The following SHISA9 variants were observed in gnomAD, a reference collection of about 807,000 sequenced individuals.
The protein encoded by SHISA9 is protein shisa-9.
Under a neutral mutation model 38.0 loss-of-function variants are expected in SHISA9, and 13 were observed. That is an observed-to-expected ratio of 0.34 (90% CI 0.22 to 0.54). The LOEUF (loss-of-function observed/expected upper bound fraction) is 0.54, where lower values mean the gene tolerates loss of function less well. Ranked by LOEUF, SHISA9 falls within the 20% of genes least tolerant of loss-of-function variation. The pLI is 0.91. For synonymous variants in SHISA9, 275 were observed against 242.0 expected, an observed-to-expected ratio of 1.14 and a Z score of -1.27; for missense variants, 538 against 575.8, an observed-to-expected ratio of 0.93 and a Z score of 0.67.
chr16:13,076,286 C>T (rs1393327069), intron 2 of SHISA9, among the ~76,000 whole-genome samples: 1 of 152,166 alleles, frequency 6.6e-6, no homozygotes, highest in African/African-American at 2.4e-5. Flanking sequence ...CCAACTCAGC[C>T]TCCCAAAATG....
At chr16:13,527,285 T>C in the SHISA9 span, among the ~76,000 whole-genome samples, 1 of 152,186 alleles carries the variant, frequency 6.6e-6, no homozygotes, top group Non-Finnish European at 1.5e-5. Flanking sequence ...CCTCAGCGTT[T>C]TTGGAGAACG....
chr16:12,935,178 C>T (rs1354099028), intron 2 of SHISA9, among the ~76,000 whole-genome samples: 1 of 152,106 alleles, frequency 6.6e-6, no homozygotes, highest in East Asian at 1.9e-4. Context: ...AAGTCTCCAC[C>T]ATAAAATTGA....
At chr16:13,020,402 C>G (rs748016856) in intron 2 of SHISA9, among the ~76,000 whole-genome samples, 4 of 152,092 alleles carry the variant, frequency 2.6e-5, no homozygotes, top group African/African-American at 9.7e-5. Context: ...GTTGCTCCCC[C>G]GTATGTATCC....
At chr16:13,279,721 G>C in the SHISA9 span, among the ~76,000 whole-genome samples, 1 of 151,992 alleles carries the variant, frequency 6.6e-6, no homozygotes, top group South Asian at 2.1e-4. Flanking sequence ...ATCTGACTAT[G>C]ATTGTGAAAT....
At chr16:13,166,431 T>G (rs775869565) in intron 2 of SHISA9, among the ~76,000 whole-genome samples, 29 of 152,214 alleles carry the variant, frequency 1.9e-4, no homozygotes, top group Non-Finnish European at 2.2e-4. Context: ...AGCGTGTGCT[T>G]CTTAGCATGG....
chr16:13,414,368 G>A, the SHISA9 span, among the ~76,000 whole-genome samples: 1 of 152,146 alleles, frequency 6.6e-6, no homozygotes, highest in Admixed American at 6.5e-5. Flanking sequence ...TTGGTGCTCA[G>A]CTCCAGCAGA....
At chr16:13,313,956 C>T in the SHISA9 span, among the ~76,000 whole-genome samples, 1 of 152,122 alleles carries the variant, frequency 6.6e-6, no homozygotes, top group African/African-American at 2.4e-5. Flanking sequence ...TTTCTATACT[C>T]TCTGTGTTAG....
the SHISA9 span, among the ~76,000 whole-genome samples, chr16:13,499,860 G>A: frequency 1.3e-5 from 2 of 152,096 alleles, no homozygotes; most frequent in African/African-American, 2.4e-5. Context: ...GCATCTATCC[G>A]TCTACTTACC....
the SHISA9 span, among the ~76,000 whole-genome samples, chr16:13,289,566 A>G: frequency 4.6e-5 from 7 of 152,062 alleles, no homozygotes; most frequent in Non-Finnish European, 8.8e-5. Context: ...AGAGGATCAG[A>G]CAATATATTA....
intron 2 of SHISA9, among the ~76,000 whole-genome samples, chr16:13,082,052 A>G (rs539856447): frequency 6.6e-6 from 1 of 152,310 alleles, no homozygotes; most frequent in East Asian, 1.9e-4. Context: ...CAACTCATTA[A>G]GTAACTGCTA....
the SHISA9 span, among the ~76,000 whole-genome samples, chr16:13,323,614 C>T: frequency 1.3e-5 from 2 of 152,066 alleles, no homozygotes; most frequent in Admixed American, 1.3e-4. Flanking sequence ...ACTCACAGTT[C>T]CGCACGCCTG....
the SHISA9 span, among the ~76,000 whole-genome samples, chr16:13,432,818 G>T: frequency 2.4e-4 from 36 of 152,256 alleles, no homozygotes; most frequent in Admixed American, 2.0e-4. Flanking sequence ...ACAGGAACAA[G>T]AAAACAAATA....
intron 2 of SHISA9, among the ~76,000 whole-genome samples, chr16:13,068,171 G>A (rs753172345): frequency 1.6e-4 from 25 of 152,196 alleles, no homozygotes; most frequent in Middle Eastern, 6.8e-3. Flanking sequence ...CCCCATCCAT[G>A]GTGTGGGTGT....
chr16:13,040,559 G>A (rs1045294912), intron 2 of SHISA9, among the ~76,000 whole-genome samples: 1 of 152,144 alleles, frequency 6.6e-6, no homozygotes, highest in South Asian at 2.1e-4. Flanking sequence ...TCATTTGCAT[G>A]TTTTCATGTT....
At chr16:13,248,049 A>C in the SHISA9 span, among the ~76,000 whole-genome samples, 1 of 152,206 alleles carries the variant, frequency 6.6e-6, no homozygotes, top group African/African-American at 2.4e-5. Flanking sequence ...AATGTACTGG[A>C]ATTCTACAAG....
intron 2 of SHISA9, among the ~76,000 whole-genome samples, chr16:13,066,005 C>T (rs1261472076): frequency 6.6e-6 from 1 of 152,202 alleles, no homozygotes; most frequent in African/African-American, 2.4e-5. Flanking sequence ...AACCCAAGAC[C>T]TTCAATTTAC....
the SHISA9 span, among the ~76,000 whole-genome samples, chr16:13,467,326 C>T: frequency 2.0e-4 from 30 of 152,294 alleles, no homozygotes; most frequent in African/African-American, 7.2e-4. Flanking sequence ...TTCCCACTCC[C>T]CCAGAGCAGA....
intron 2 of SHISA9, among the ~76,000 whole-genome samples, chr16:13,192,642 G>T (rs184864352): frequency 9.9e-5 from 15 of 152,090 alleles, no homozygotes; most frequent in Admixed American, 7.9e-4. Flanking sequence ...GAAACAGGCC[G>T]AGGCGGGTGG....
intron 2 of SHISA9, among the ~76,000 whole-genome samples, chr16:13,027,317 G>C (rs2072934986): frequency 6.6e-6 from 1 of 152,188 alleles, no homozygotes; most frequent in Non-Finnish European, 1.5e-5. Context: ...ATTGGGTCAT[G>C]TAGCAAAATT....
Sources: gnomAD v4.1 joint callset for allele counts (sites outside exome capture counted in the v4.1 genomes callset) on GRCh38, gnomAD v4.1.1 for gene constraint, MANE v1.5 for transcripts, NCBI Gene and HGNC (gene_info 2026-07-23, HGNC 2026-07-21) for gene names.